TRAPPC11: variants seen among roughly 807,000 people sequenced by gnomAD.
The protein encoded by TRAPPC11 is foie gras homolog.
Under a neutral mutation model 151.2 loss-of-function variants are expected in TRAPPC11, and 104 were observed. The ratio of observed to expected loss-of-function variants is 0.69; its 90% CI spans 0.59 to 0.81. The LOEUF is 0.81. TRAPPC11 is among the 30% of genes least tolerant of loss of function. TRAPPC11 has a pLI of 0.00. For missense variants in TRAPPC11, 1,230 were observed against 1,349.6 expected, an observed-to-expected ratio of 0.91 and a Z score of 1.39; for synonymous variants, 456 against 472.3, an observed-to-expected ratio of 0.97 and a Z score of 0.45.
At chr4:183,659,657 C>T (rs1734361826) in intron 1 of TRAPPC11, among the ~76,000 whole-genome samples, 2 of 152,208 alleles carry the variant, frequency 1.3e-5, no homozygotes, top group African/African-American at 2.4e-5. Flanking sequence ...AGATATCTGC[C>T]TTTAGGGACT....
At position 183,693,097 on chromosome 4, in the gene TRAPPC11, A is replaced by G. The variant is rs768420158; in HGVS notation, c.2187A>G (p.Leu729=). 1.6e-5 allele frequency: 25 copies of G among 1,612,624 alleles called. No individual in the cohort carries two copies. Among genetic ancestry groups the G allele is most frequent in the Non-Finnish European group, 2.1e-5 (25 of 1,179,152 alleles). ...AARSFKRRPK[L]PDNEVHWDSI... is the part of the protein sequence containing the mutation. Reference sequence around the variant, plus strand: ...GGTCTTTCAAAAGGCGACCTAAGCTACCTGACAATGAAGTTCACTGGGACA... The same window carrying G: ...GGTCTTTCAAAAGGCGACCTAAGCTGCCTGACAATGAAGTTCACTGGGACA... The change falls in exon 20 of 30, where the codon CTA becomes CTG. Residue 729 remains leucine, a synonymous_variant. Coordinates refer to ENST00000334690, the MANE Select transcript of TRAPPC11 (RefSeq NM_021942.6).
chr4:183,695,320 T>G (rs1736483977), intron 23 of TRAPPC11, among the ~76,000 whole-genome samples: 1 of 152,160 alleles, frequency 6.6e-6, no homozygotes, highest in Non-Finnish European at 1.5e-5. Context: ...ATAAAATCTG[T>G]AAGTTGACTT....
intron 1 of TRAPPC11, among the ~76,000 whole-genome samples, chr4:183,663,597 G>C (rs1430471777): frequency 6.6e-6 from 1 of 151,964 alleles, no homozygotes; most frequent in Non-Finnish European, 1.5e-5. Flanking sequence ...TTTAACTCCT[G>C]GCCTCCAGTG....
chr4:183,667,663 T>A (rs1579161225), intron 4 of TRAPPC11, among the ~76,000 whole-genome samples: 1 of 152,248 alleles, frequency 6.6e-6, no homozygotes. Flanking sequence ...TGTTGAAACT[T>A]ATAGCATCCA....
At chr4:183,663,680 A>G (rs774856372) in intron 1 of TRAPPC11, among the ~76,000 whole-genome samples, 167 bp from the exon 2 acceptor site, 1 of 138,936 alleles carries the variant, frequency 7.2e-6, no homozygotes, top group Non-Finnish European at 1.5e-5. Flanking sequence ...TGTAATGATT[A>G]TTTTTTTGTA....
intron 22 of TRAPPC11, among the ~76,000 whole-genome samples, chr4:183,694,330 C>G (rs1220984077): frequency 3.9e-5 from 6 of 152,076 alleles, no homozygotes; most frequent in Non-Finnish European, 8.8e-5. Flanking sequence ...TGCTTCCAAA[C>G]TAGATAGAAA....
chr4:183,670,507 A>T (rs915691784), intron 5 of TRAPPC11, among the ~76,000 whole-genome samples: 1 of 152,242 alleles, frequency 6.6e-6, no homozygotes, highest in Non-Finnish European at 1.5e-5. Flanking sequence ...CAAAGGTGAC[A>T]GTTTAATAAT....
At chr4:183,666,223 C>T (rs777985197) in intron 2 of TRAPPC11, 34 bp from the exon 3 acceptor site, 3 of 1,595,286 alleles carry the variant, frequency 1.9e-6, no homozygotes, top group Admixed American at 3.4e-5. Context: ...CTGCTCCTGT[C>T]AGGTAACTTT....
At chr4:183,704,621 A>G (rs530794211) in intron 26 of TRAPPC11, among the ~76,000 whole-genome samples, 271 of 151,696 alleles carry the variant, frequency 1.8e-3, no homozygotes, top group East Asian at 2.7e-3. Context: ...AGACCATCCT[A>G]GCTAACACGG....
At chr4:183,666,210 T>C (rs1356115010) in intron 2 of TRAPPC11, 47 bp from the exon 3 acceptor site, 3 of 1,571,896 alleles carry the variant, frequency 1.9e-6, no homozygotes, top group Non-Finnish European at 2.6e-6. Flanking sequence ...TAACAGGTGG[T>C]TTCTGCTCCT....
chr4:183,675,180 A>G lies in TRAPPC11; in HGVS notation c.677A>G (p.His226Arg), dbSNP rs964792335. The change falls in exon 7 of 30, where the codon CAT becomes CGT. Residue 226 changes from histidine to arginine, a missense_variant. Transcript: ENST00000334690. ...KTTHQLLFVRHQFKIAFFSEL... is the reference protein window; with the variant it reads ...KTTHQLLFVRRQFKIAFFSEL... ...TCTTTTTAGCTTTTATTTGTTAGGC[A>G]TCAGTTCAAAATAGCTTTCTTCAGT... The G allele has an allele frequency of 6.6e-7, 1 of 1,521,646 alleles. No individual in the cohort carries two copies. Among genetic ancestry groups the G allele is most frequent in the Non-Finnish European group, 8.8e-7 (1 of 1,132,764 alleles). 94.3% of individuals were successfully genotyped at this position (1,521,646 alleles called of 1,614,324 possible). A position where few individuals can be genotyped will look rare whatever the true frequency, so the allele number is the denominator to read the frequency against.
intron 10 of TRAPPC11, 31 bp downstream of exon 10, chr4:183,680,298 A>G (rs750809241): frequency 1.3e-5 from 21 of 1,593,376 alleles, no homozygotes; most frequent in South Asian, 1.0e-4. Flanking sequence ...TATCTAGCAC[A>G]TAGAAAAGTT....
chr4:183,667,419 T>G lies in TRAPPC11; in HGVS notation c.445+289T>G, dbSNP rs12054511. Among the ~76,000 whole-genome samples the G allele has an allele frequency of 0.5, 75,879 of 151,992 alleles. 19,513 individuals are homozygous for G. The highest frequency in any genetic ancestry group is 0.62 in the African/African-American group (25,798 of 41,450). On this transcript the variant is annotated intron_variant, in intron 4 of 29. Coordinates refer to ENST00000334690, the MANE Select transcript of TRAPPC11 (RefSeq NM_021942.6). ...TCACAAAACAATTCGCTTGAATTTTTTTACAAGAGTATAATTTTTTTTGAC... is the reference window on the plus strand; with the variant it reads ...TCACAAAACAATTCGCTTGAATTTTGTTACAAGAGTATAATTTTTTTTGAC...
chr4:183,663,370 A>G (rs1036874065), intron 1 of TRAPPC11, among the ~76,000 whole-genome samples: 1 of 152,174 alleles, frequency 6.6e-6, no homozygotes, highest in East Asian at 1.9e-4. Context: ...AGTAGCTGGG[A>G]CTACAGGCGC....
chr4:183,695,051 C>T (rs763211490), intron 23 of TRAPPC11, among the ~76,000 whole-genome samples: 1 of 150,218 alleles, frequency 6.7e-6, no homozygotes, highest in Non-Finnish European at 1.5e-5. Flanking sequence ...CGGGTTCAAG[C>T]GATTCTCCTG....
chr4:183,677,743 T>C (rs1027471234), intron 8 of TRAPPC11, among the ~76,000 whole-genome samples, 189 bp downstream of exon 8: 3 of 152,238 alleles, frequency 2.0e-5, no homozygotes, highest in African/African-American at 7.2e-5. Context: ...AGTTGTATTT[T>C]GAATTGATAA....
At chr4:183,705,973 A>T (rs1388109747) in intron 27 of TRAPPC11, 1 of 152,214 alleles carries the variant, frequency 6.6e-6, no homozygotes, top group Non-Finnish European at 1.5e-5. Context: ...ACTGGTGCAG[A>T]GATGAGCACG....
rs1294348872 is a variant in TRAPPC11 at position 183,667,986 on chromosome 4, A to G, written c.446-17A>G. 1.4e-6 allele frequency: 2 copies of G among 1,404,316 alleles called. No homozygotes were observed. The highest frequency in any genetic ancestry group is 3.4e-5 in the Admixed American group (2 of 58,510). 87.0% of individuals were successfully genotyped at this position (1,404,316 alleles called of 1,614,324 possible). ...GTTATTTTATTTCTCATTCATCTTG[A>G]TGGGGATTATCAACAGGAGAAGATG... On this transcript the variant is annotated splice_polypyrimidine_tract_variant and intron_variant, in intron 4 of 29. Transcript: ENST00000334690.
chr4:183,663,593 T>C (rs1010303381), intron 1 of TRAPPC11, among the ~76,000 whole-genome samples: 1 of 152,156 alleles, frequency 6.6e-6, no homozygotes, highest in Non-Finnish European at 1.5e-5. Context: ...GGTCTTTAAC[T>C]CCTGGCCTCC....
Sources: gnomAD v4.1 joint callset for allele counts (sites outside exome capture counted in the v4.1 genomes callset) on GRCh38, gnomAD v4.1.1 for gene constraint, MANE v1.5 for transcripts, NCBI Gene and HGNC (gene_info 2026-07-23, HGNC 2026-07-21) for gene names.